Variants in NRG1 observed in about 807,000 individuals in gnomAD.
NRG1 encodes neuregulin 1, also known as pro-neuregulin-1, membrane-bound isoform.
NRG1 carries 18 observed loss-of-function variants against 63.8 expected under a neutral mutation model. The ratio of observed to expected loss-of-function variants is 0.28; its 90% CI spans 0.19 to 0.42. The LOEUF is 0.42. NRG1 is among the 10% of genes least tolerant of loss of function. The pLI is 1.00. For missense variants in NRG1, 762 were observed against 814.7 expected (o/e 0.94, Z 0.79); for synonymous variants, 302 against 301.3 (o/e 1.00, Z -0.02).
intron 5 of NRG1, among the ~76,000 whole-genome samples, chr8:32,640,245 T>TCACACA (rs111977984): frequency 0.048 from 7,014 of 147,488 alleles, 179 homozygotes; most frequent in Non-Finnish European, 0.058. Context: ...CTTCTTTTTG[T>TCACACA]CACACACACA....
chr8:32,104,661 T>G (rs1414851919), intron 1 of NRG1, among the ~76,000 whole-genome samples: 1 of 152,038 alleles, frequency 6.6e-6, no homozygotes, highest in East Asian at 1.9e-4. Context: ...TCTACAAACT[T>G]TTTTGAATTT....
intron 1 of NRG1, among the ~76,000 whole-genome samples, chr8:32,476,666 C>T (rs1056576429): frequency 1.3e-5 from 2 of 152,178 alleles, no homozygotes; most frequent in African/African-American, 4.8e-5. Context: ...CCAATGATCC[C>T]AGCATTTGCT....
chr8:32,347,441 A>T (rs1298941798), intron 1 of NRG1, among the ~76,000 whole-genome samples: 1 of 152,150 alleles, frequency 6.6e-6, no homozygotes, highest in Non-Finnish European at 1.5e-5. Context: ...GTCTCAATAC[A>T]TATTAACAGA....
intron 1 of NRG1, among the ~76,000 whole-genome samples, chr8:31,739,373 T>G (rs980337927): frequency 1.3e-5 from 2 of 152,114 alleles, no homozygotes; most frequent in Non-Finnish European, 2.9e-5. Context: ...GGTTTAGCAT[T>G]TTTTATATTG....
intron 1 of NRG1, among the ~76,000 whole-genome samples, chr8:32,496,719 T>A (rs965239716): frequency 5.3e-5 from 8 of 152,324 alleles, no homozygotes; most frequent in Admixed American, 1.3e-4. Context: ...AATGACTGAT[T>A]ATATATATTA....
chr8:32,339,595 CAT>C (rs1159509423), intron 1 of NRG1, among the ~76,000 whole-genome samples: 2 of 152,166 alleles, frequency 1.3e-5, no homozygotes, highest in African/African-American at 4.8e-5. Flanking sequence ...GAGGACTTTT[CAT>C]ATGTTAGACA....
intron 1 of NRG1, among the ~76,000 whole-genome samples, chr8:32,516,001 G>T (rs894229949): frequency 3.3e-5 from 5 of 152,160 alleles, no homozygotes; most frequent in African/African-American, 1.2e-4. Context: ...CCAATGTACA[G>T]AATGGTATTT....
chr8:32,341,861 C>T (rs1485725772), intron 1 of NRG1, among the ~76,000 whole-genome samples: 1 of 152,098 alleles, frequency 6.6e-6, no homozygotes, highest in East Asian at 1.9e-4. Flanking sequence ...ACATTTTATT[C>T]ATAGTAATTC....
At chr8:31,683,061 G>A (rs976952782) in intron 1 of NRG1, among the ~76,000 whole-genome samples, 1 of 152,110 alleles carries the variant, frequency 6.6e-6, no homozygotes, top group Non-Finnish European at 1.5e-5. Flanking sequence ...CCGCCCTCGG[G>A]AGAAACGATC....
chr8:32,336,213 T>G (rs1379571814), intron 1 of NRG1, among the ~76,000 whole-genome samples: 1 of 152,226 alleles, frequency 6.6e-6, no homozygotes, highest in Non-Finnish European at 1.5e-5. Flanking sequence ...ATAAACTTCC[T>G]TTTTGTAAAT....
chr8:32,596,028 T>G, intron 2 of NRG1, 23 bp downstream of exon 2: 1 of 1,576,536 alleles, frequency 6.3e-7, no homozygotes. Flanking sequence ...CATAAAATAG[T>G]AGAGACTGCC....
chr8:32,700,408 C>T (rs918836102), intron 5 of NRG1, among the ~76,000 whole-genome samples: 1 of 151,954 alleles, frequency 6.6e-6, no homozygotes, highest in African/African-American at 2.4e-5. Context: ...CCAGTCAGGT[C>T]GAGGGTAAAT....
At chr8:31,878,687 G>A (rs752633729) in intron 1 of NRG1, among the ~76,000 whole-genome samples, 1 of 152,164 alleles carries the variant, frequency 6.6e-6, no homozygotes, top group African/African-American at 2.4e-5. Context: ...TGTAAGATTG[G>A]CTGGGAAAGG....
At chr8:32,219,360 A>G (rs1845573970) in intron 1 of NRG1, among the ~76,000 whole-genome samples, 1 of 152,228 alleles carries the variant, frequency 6.6e-6, no homozygotes, top group South Asian at 2.1e-4. Flanking sequence ...ATCTGCATTC[A>G]GGTTTCAGGA....
intron 1 of NRG1, among the ~76,000 whole-genome samples, chr8:32,289,605 T>G (rs1696581481): frequency 6.6e-6 from 1 of 152,226 alleles, no homozygotes; most frequent in African/African-American, 2.4e-5. Context: ...AAGGGAAGCT[T>G]GATTAATGAT....
chr8:32,612,567 A>G (rs1846540422), intron 3 of NRG1, among the ~76,000 whole-genome samples: 1 of 151,098 alleles, frequency 6.6e-6, no homozygotes, highest in South Asian at 2.1e-4. Flanking sequence ...TCTTTGTAGT[A>G]ACCTCCTGTT....
intron 1 of NRG1, among the ~76,000 whole-genome samples, chr8:31,943,531 GAAATAAAT>G (rs55983255): frequency 1.3e-5 from 2 of 148,560 alleles, no homozygotes; most frequent in Non-Finnish European, 3.0e-5. Flanking sequence ...AAAACCTATT[GAAATAAAT>G]AAATAAATAA....
chr8:31,749,766 T>A (rs113659499), intron 1 of NRG1, among the ~76,000 whole-genome samples: 31,503 of 151,004 alleles, frequency 0.21, 3,709 homozygotes, highest in Non-Finnish European at 0.26. Flanking sequence ...TCTTCATAGA[T>A]GGTGGAATTA....
At chr8:32,290,183 G>A (rs1430600295) in intron 1 of NRG1, among the ~76,000 whole-genome samples, 2 of 152,138 alleles carry the variant, frequency 1.3e-5, no homozygotes. Flanking sequence ...TGGGGCTGCA[G>A]TGAGCTGTGA....
Sources: gnomAD v4.1 joint callset for allele counts (sites outside exome capture counted in the v4.1 genomes callset) on GRCh38, gnomAD v4.1.1 for gene constraint, MANE v1.5 for transcripts, NCBI Gene and HGNC (gene_info 2026-07-23, HGNC 2026-07-21) for gene names.